UPF2: variants seen among roughly 807,000 people sequenced by gnomAD.
UPF2 encodes regulator of nonsense transcripts 2.
Under a neutral mutation model 141.4 loss-of-function variants are expected in UPF2, and 17 were observed. That is an observed-to-expected ratio of 0.12 (90% CI 0.08 to 0.18). The LOEUF (loss-of-function observed/expected upper bound fraction) is 0.18. UPF2 is among the 10% of genes least tolerant of loss of function. UPF2 has a pLI of 1.00. For missense variants in UPF2, 1,152 were observed against 1,515.9 expected (o/e 0.76, Z 3.99); for synonymous variants, 540 against 498.0 (o/e 1.08, Z -1.12).
intron 1 of UPF2, among the ~76,000 whole-genome samples, chr10:12,041,628 G>A (rs1834735689): frequency 1.3e-5 from 2 of 152,296 alleles, no homozygotes; most frequent in South Asian, 4.2e-4. Flanking sequence ...CAGTATGAGA[G>A]AATGCGGTTT....
At chr10:11,932,716 AG>A (rs1377026720) in intron 19 of UPF2, among the ~76,000 whole-genome samples, 2 of 152,198 alleles carry the variant, frequency 1.3e-5, no homozygotes, top group African/African-American at 4.8e-5. Flanking sequence ...AAAATATTGA[AG>A]TCACTCAAAC....
chr10:11,976,379 T>C (rs548607512), intron 9 of UPF2, among the ~76,000 whole-genome samples: 2 of 152,212 alleles, frequency 1.3e-5, no homozygotes, highest in Non-Finnish European at 2.9e-5. Flanking sequence ...TTTAGTTCTT[T>C]TAGAAGACAG....
In UPF2 at chr10:11,936,683, G is replaced by T. The variant is rs778899311; in HGVS notation, c.3408C>A (p.His1136Gln). The change falls in exon 19 of 22, where the codon CAC becomes CAA. Residue 1136 changes from histidine (H) to glutamine (Q), a missense_variant. Physicochemically the swap from His to Gln is conservative, Grantham distance 24. Transcript: ENST00000357604. The surrounding 1 kb of genome is among the most constrained non-coding windows in gnomAD (Gnocchi z 6.6). ...GCAAAGGAATGGCAACATCTAGTTG[G>T]TGCACTTTAACAGATTCACCACTTC... ...QQRSGESVKV[H>Q]QLDVAIPLHL... is the part of the protein sequence containing the mutation. The T allele has an allele frequency of 6.2e-7, 1 of 1,610,960 alleles. No homozygotes were observed. The highest frequency in any genetic ancestry group is 8.5e-7 in the Non-Finnish European group (1 of 1,178,644).
At chr10:12,005,291 G>C (rs996261782) in intron 4 of UPF2, among the ~76,000 whole-genome samples, 21 of 152,136 alleles carry the variant, frequency 1.4e-4, no homozygotes, top group Non-Finnish European at 2.9e-5. Flanking sequence ...TCAGAATCTA[G>C]TTTTAAAGAG....
In UPF2 at chr10:12,008,201, G is replaced by C. The variant is rs182807608; in HGVS notation, c.1307-3474C>G. On this transcript the variant is annotated intron_variant, in intron 4 of 21. Transcript: ENST00000357604. ...ACAAGGGGAAAAAGGACAGGGGGTG[G>C]GGGTATAAAAGATTCAAATAGGAAT... Among the ~76,000 whole-genome samples, 18 of 151,920 alleles carry C rather than the reference G, an allele frequency of 1.2e-4. 1 individual carries two copies. In the East Asian group the frequency reaches 1.5e-3, roughly 13 times the overall value.
intron 8 of UPF2, among the ~76,000 whole-genome samples, chr10:11,995,541 T>C (rs1343128372): frequency 6.6e-6 from 1 of 152,086 alleles, no homozygotes; most frequent in African/African-American, 2.4e-5. Flanking sequence ...TCCCAGCACT[T>C]TGGGAGGCTG....
At chr10:12,005,507 T>C (rs763889434) in intron 4 of UPF2, among the ~76,000 whole-genome samples, 14 of 152,180 alleles carry the variant, frequency 9.2e-5, no homozygotes, top group Non-Finnish European at 1.6e-4. Flanking sequence ...AGATACATAC[T>C]GGTTATGTAG....
At chr10:11,928,494 G>A (rs1238188436) in intron 21 of UPF2, among the ~76,000 whole-genome samples, 1 of 150,708 alleles carries the variant, frequency 6.6e-6, no homozygotes, top group East Asian at 2.0e-4. Flanking sequence ...CGGATCACGA[G>A]GTCAGGAGAT....
intron 11 of UPF2, among the ~76,000 whole-genome samples, chr10:11,962,175 T>C (rs1833251452): frequency 6.6e-6 from 1 of 152,192 alleles, no homozygotes. Context: ...TTAGAAACTT[T>C]TCCCCCACAC....
intron 18 of UPF2, 43 bp downstream of exon 18, chr10:11,942,622 T>C: frequency 6.4e-7 from 1 of 1,572,158 alleles, no homozygotes; most frequent in Non-Finnish European, 8.7e-7. Context: ...GGCTGCAATG[T>C]TTTGTATTGA....
At chr10:11,938,282 T>G (rs1448791535) in intron 18 of UPF2, among the ~76,000 whole-genome samples, 5 of 152,214 alleles carry the variant, frequency 3.3e-5, no homozygotes, top group African/African-American at 1.2e-4. Flanking sequence ...TATGCCCTTA[T>G]TATTTAATTA....
intron 5 of UPF2, among the ~76,000 whole-genome samples, chr10:12,002,595 A>C (rs1240815304): frequency 6.6e-6 from 1 of 152,346 alleles, no homozygotes; most frequent in East Asian, 1.9e-4. Context: ...AAGTCAGAAA[A>C]GGGTAGATGT....
At chr10:11,965,230 G>A (rs1189084299) in intron 10 of UPF2, among the ~76,000 whole-genome samples, 1 of 152,028 alleles carries the variant, frequency 6.6e-6, no homozygotes, top group East Asian at 1.9e-4. Flanking sequence ...TCAAAAAAGT[G>A]TATATTCTTC....
At chr10:11,929,317 A>T (rs1205609900) in intron 21 of UPF2, among the ~76,000 whole-genome samples, 2 of 152,240 alleles carry the variant, frequency 1.3e-5, no homozygotes, top group East Asian at 3.8e-4. Context: ...ACTCCTTCCT[A>T]TTAAAGCAAA....
rs763908867 is a variant in UPF2 at position 12,025,123 on chromosome 10, T to C, written c.1145+3622A>G. On this transcript the variant is annotated intron_variant, in intron 3 of 21. Transcript: ENST00000357604. ...TCACGTATCTGCATCTTCTCTATAGTGGCTGCTCAAGTTGAAGCTATCCTA... is the reference window on the plus strand; with the variant it reads ...TCACGTATCTGCATCTTCTCTATAGCGGCTGCTCAAGTTGAAGCTATCCTA... Among the ~76,000 whole-genome samples, 7 of 152,274 alleles carry C rather than the reference T, an allele frequency of 4.6e-5. No individual in the cohort carries two copies. The East Asian group carries it at 9.7e-4, about 21-fold the overall frequency.
chr10:11,968,216 T>C (rs911606203), intron 9 of UPF2, among the ~76,000 whole-genome samples: 1 of 152,084 alleles, frequency 6.6e-6, no homozygotes, highest in Non-Finnish European at 1.5e-5. Context: ...TTCAAACTAT[T>C]GTAAGTTAAA....
intron 1 of UPF2, among the ~76,000 whole-genome samples, chr10:12,038,378 T>TCA (rs200544672): frequency 0.1 from 13,535 of 135,550 alleles, 695 homozygotes; most frequent in South Asian, 0.14. Context: ...AGACTCCATC[T>TCA]CACACACACA....
intron 12 of UPF2, among the ~76,000 whole-genome samples, chr10:11,957,540 G>T (rs1244072134): frequency 6.6e-6 from 1 of 151,648 alleles, no homozygotes; most frequent in African/African-American, 2.4e-5. Context: ...TCTTGAGATG[G>T]AGTCTCGCTC....
intron 2 of UPF2, among the ~76,000 whole-genome samples, chr10:12,030,460 G>A (rs1035573564): frequency 6.6e-6 from 1 of 151,792 alleles, no homozygotes; most frequent in Non-Finnish European, 1.5e-5. Flanking sequence ...CTTAAACCTG[G>A]GAGTCGGAGA....
Sources: gnomAD v4.1 joint callset for allele counts (sites outside exome capture counted in the v4.1 genomes callset) on GRCh38, gnomAD v4.1.1 for gene constraint, Gnocchi (gnomAD v3.1) non-coding constraint, MANE v1.5 for transcripts, NCBI Gene and HGNC (gene_info 2026-07-23, HGNC 2026-07-21) for gene names.